The following VAV3 variants were observed in gnomAD, a reference collection of about 807,000 sequenced individuals.
The protein encoded by VAV3 is vav guanine nucleotide exchange factor 3.
VAV3 carries 94 observed loss-of-function variants against 131.2 expected under a neutral mutation model. The ratio of observed to expected loss-of-function variants is 0.72; its 90% CI spans 0.61 to 0.85. VAV3 has a LOEUF of 0.85. Ranked by LOEUF, VAV3 falls within the 40% of genes least tolerant of loss-of-function variation. The probability of loss-of-function intolerance (pLI) is 0.00; values close to 1 mark genes in which losing one functional copy is unlikely to be tolerated. For synonymous variants in VAV3, 349 were observed against 342.0 expected (o/e 1.02, Z -0.22); for missense variants, 939 against 1,002.7 (o/e 0.94, Z 0.86).
rs149960403 is a variant in VAV3, at chr1:107,698,160, T to C, written c.1705+6390A>G. ...TATATAGGAGTAAATGAGTTAACAA[T>C]GGTAAAGTACAAATGGTCCCCAATT... On this transcript the variant is annotated intron_variant, in intron 17 of 26. Coordinates refer to ENST00000370056, the MANE Select transcript of VAV3 (RefSeq NM_006113.5). Among the ~76,000 whole-genome samples, 22 of 152,376 alleles carry C rather than the reference T, an allele frequency of 1.4e-4. No individual in the cohort carries two copies. The East Asian group carries it at 4.0e-3, about 28-fold the overall frequency.
chr1:107,962,587 G>A (rs555628261), intron 1 of VAV3, among the ~76,000 whole-genome samples: 2 of 152,140 alleles, frequency 1.3e-5, no homozygotes, highest in South Asian at 2.1e-4. Context: ...CAAACTCATC[G>A]GCCTAGCATC....
At chr1:107,854,905 A>G (rs149301102) in intron 2 of VAV3, among the ~76,000 whole-genome samples, 1 of 152,332 alleles carries the variant, frequency 6.6e-6, no homozygotes, top group East Asian at 1.9e-4. Flanking sequence ...TAATCCCACA[A>G]TGGTGTTCCT....
In VAV3 at chr1:107,945,895, C is replaced by T. The variant is rs374991729; in HGVS notation, c.204+18771G>A. Among the ~76,000 whole-genome samples, 4 of 147,728 alleles carry T rather than the reference C, an allele frequency of 2.7e-5. No homozygotes were observed. The East Asian group carries it at 7.9e-4, about 29-fold the overall frequency. ...AATATTTAAAAGGATAAGATGTATA[C>T]AAGGGGTATTTGGAAACCAAGAAAC... On this transcript the variant is annotated intron_variant, in intron 1 of 26. Coordinates refer to ENST00000370056, the MANE Select transcript of VAV3 (RefSeq NM_006113.5).
chr1:107,942,422 A>G lies in VAV3; in HGVS notation c.204+22244T>C, dbSNP rs1039091724. 2.6e-5 allele frequency among the ~76,000 whole-genome samples: 4 copies of G among 152,156 alleles called. No homozygotes were observed. The South Asian group carries it at 6.2e-4, about 24-fold the overall frequency. On this transcript the variant is annotated intron_variant, in intron 1 of 26. Transcript: ENST00000370056. ...AAATCATACTTCAGACTCTCACTAC[A>G]TCTTTAAAGGGACACTTGGCAACAT...
intron 11 of VAV3, among the ~76,000 whole-genome samples, chr1:107,756,041 C>T (rs1169183540): frequency 6.6e-6 from 1 of 152,044 alleles, no homozygotes; most frequent in South Asian, 2.1e-4. Context: ...AGAGTTAACC[C>T]GTTTATGGAT....
At chr1:107,624,938 T>C (rs1653899384) in intron 20 of VAV3, among the ~76,000 whole-genome samples, 2 of 152,194 alleles carry the variant, frequency 1.3e-5, no homozygotes, top group African/African-American at 2.4e-5. Context: ...TCATAGATTT[T>C]TGTGATATTT....
At chr1:107,593,968 G>C (rs1651171098) in intron 25 of VAV3, among the ~76,000 whole-genome samples, 1 of 152,006 alleles carries the variant, frequency 6.6e-6, no homozygotes, top group African/African-American at 2.4e-5. Context: ...GCTTTATATA[G>C]AACACCTCAT....
At chr1:107,904,896 T>C (rs1298340790) in intron 1 of VAV3, among the ~76,000 whole-genome samples, 1 of 152,050 alleles carries the variant, frequency 6.6e-6, no homozygotes, top group Non-Finnish European at 1.5e-5. Flanking sequence ...GTGAGGGAAA[T>C]AGTTATTTTA....
At chr1:107,681,477 C>A (rs1412911756) in intron 19 of VAV3, among the ~76,000 whole-genome samples, 1 of 152,076 alleles carries the variant, frequency 6.6e-6, no homozygotes, top group African/African-American at 2.4e-5. Flanking sequence ...ATCCAAAAGT[C>A]AAGCAACTTT....
At chr1:107,720,292 A>G (rs569192212) in intron 15 of VAV3, among the ~76,000 whole-genome samples, 1 of 151,772 alleles carries the variant, frequency 6.6e-6, no homozygotes, top group South Asian at 2.1e-4. Context: ...CTGAGGTGAA[A>G]GGATCACTTG....
At chr1:107,924,529 T>C (rs1218322198) in intron 1 of VAV3, among the ~76,000 whole-genome samples, 4 of 152,180 alleles carry the variant, frequency 2.6e-5, no homozygotes, top group East Asian at 1.9e-4. Flanking sequence ...CTCTCAACTT[T>C]TGTCAACTTC....
intron 1 of VAV3, among the ~76,000 whole-genome samples, chr1:107,952,520 GGAGA>G (rs142539338): frequency 0.08 from 10,321 of 129,184 alleles, 969 homozygotes; most frequent in African/African-American, 0.22. Context: ...AAGAAAGACA[GGAGA>G]GAAATACCTT....
rs546559336 is a variant in VAV3 at position 107,938,902 on chromosome 1, A to G, written c.204+25764T>C. Among the ~76,000 whole-genome samples the G allele has an allele frequency of 2.6e-5, 4 of 152,350 alleles. No homozygotes were observed. In the South Asian group the frequency reaches 8.3e-4, roughly 32 times the overall value. On this transcript the variant is annotated intron_variant, in intron 1 of 26. Transcript: ENST00000370056. ...TGTACCAATCACAGAGTTTCAGCCA[A>G]TCACAGAGTTTCAGCCAATCTCAGG...
At chr1:107,792,565 G>C (rs1666351013) in intron 2 of VAV3, among the ~76,000 whole-genome samples, 1 of 152,174 alleles carries the variant, frequency 6.6e-6, no homozygotes, top group Admixed American at 6.5e-5. Context: ...TTACATAATA[G>C]TGTTAATTAC....
chr1:107,800,820 C>T (rs35932356), intron 2 of VAV3, among the ~76,000 whole-genome samples: 15,352 of 151,980 alleles, frequency 0.1, 888 homozygotes, highest in Non-Finnish European at 0.13. Flanking sequence ...AAACATTTTG[C>T]CTTTATATAA....
chr1:107,898,165 TG>T (rs1671692951), intron 1 of VAV3, among the ~76,000 whole-genome samples: 1 of 151,770 alleles, frequency 6.6e-6, no homozygotes, highest in Non-Finnish European at 1.5e-5. Context: ...TTGGAAAATA[TG>T]GGGGAACGAG....
At chr1:107,685,788 ATTTCAT>A (rs1658972601) in intron 18 of VAV3, 1 of 151,958 alleles carries the variant, frequency 6.6e-6, no homozygotes, top group African/African-American at 2.4e-5. Context: ...TAAAGTGCAA[ATTTCAT>A]TTGTCATTCT....
intron 15 of VAV3, among the ~76,000 whole-genome samples, chr1:107,739,685 TACAG>T (rs1166058818): frequency 6.6e-6 from 1 of 152,212 alleles, no homozygotes. Flanking sequence ...CTGACAAATA[TACAG>T]ACAGTTTATA....
chr1:107,882,163 T>A (rs1670813365), intron 1 of VAV3, among the ~76,000 whole-genome samples: 1 of 152,156 alleles, frequency 6.6e-6, no homozygotes. Flanking sequence ...CAGTCCCAAA[T>A]GAGAAATGAC....
Sources: allele counts gnomAD v4.1 joint callset (sites outside exome capture counted in the v4.1 genomes callset), GRCh38; gene constraint gnomAD v4.1.1; transcripts MANE v1.5; gene names NCBI Gene and HGNC (gene_info 2026-07-23, HGNC 2026-07-21).